DNTT: variants seen among roughly 807,000 people sequenced by gnomAD.
DNTT encodes the protein DNA nucleotidylexotransferase.
DNTT carries 47 observed loss-of-function variants against 60.9 expected under a neutral mutation model. The observed-to-expected ratio is 0.77, with a 90% CI of 0.61 to 0.98. The LOEUF is 0.98. Ranked by LOEUF, DNTT falls within the 50% of genes least tolerant of loss-of-function variation. DNTT has a pLI of 0.00. For missense variants in DNTT, 665 were observed against 627.5 expected (o/e 1.06, Z -0.64); for synonymous variants, 224 against 221.2 (o/e 1.01, Z -0.11).
chr10:96,315,449 C>A (rs1410730045), intron 1 of DNTT, among the ~76,000 whole-genome samples: 1 of 152,054 alleles, frequency 6.6e-6, no homozygotes, highest in Non-Finnish European at 1.5e-5. Flanking sequence ...GTTTTGTTTG[C>A]TAGTTGCTTA....
At chr10:96,320,891 T>A (rs371109533) in intron 4 of DNTT, 103 bp downstream of exon 4, 3 of 1,403,844 alleles carry the variant, frequency 2.1e-6, no homozygotes, top group African/African-American at 2.9e-5. Context: ...GTAGATGTGG[T>A]GTACATCACA....
chr10:96,335,924 C>T lies in DNTT; in HGVS notation c.1393C>T (p.His465Tyr), dbSNP rs145922527. ...FERDLRRYAT[H>Y]ERKMILDNHA... ...GAGAGACCTCCGGCGCTATGCCACACATGAGCGGAAGATGATTCTGGATAA... is the reference window on the plus strand; with the variant it reads ...GAGAGACCTCCGGCGCTATGCCACATATGAGCGGAAGATGATTCTGGATAA... Residue 465 changes from histidine to tyrosine, a missense_variant, in exon 10 of 11, where the codon CAT (histidine) becomes TAT (tyrosine). Physicochemically the swap from His to Tyr is moderately conservative, Grantham distance 83 (BLOSUM62 2). Coordinates refer to ENST00000371174, the MANE Select transcript of DNTT (RefSeq NM_004088.4). The T allele has an allele frequency of 4.9e-4, 784 of 1,614,212 alleles. 3 individuals carry two copies. Among genetic ancestry groups the T allele is most frequent in the Admixed American group, 3.0e-4 (18 of 60,036 alleles).
At chr10:96,308,462 AC>A (rs1349844845) in intron 1 of DNTT, among the ~76,000 whole-genome samples, 1 of 152,184 alleles carries the variant, frequency 6.6e-6, no homozygotes, top group Admixed American at 6.5e-5. Flanking sequence ...GCAATTTGCC[AC>A]CCGGGTCAAG....
At chr10:96,323,280 T>C (rs974660271) in intron 5 of DNTT, among the ~76,000 whole-genome samples, 5 of 151,922 alleles carry the variant, frequency 3.3e-5, no homozygotes, top group African/African-American at 9.7e-5. Flanking sequence ...GCCTGGGTGA[T>C]AGAGTGAGAC....
chr10:96,332,548 C>T lies in DNTT; in HGVS notation c.1311C>T (p.Cys437=). The T allele has an allele frequency of 6.2e-6, 10 of 1,614,146 alleles. No individual in the cohort carries two copies. The highest frequency in any genetic ancestry group is 8.5e-6 in the Non-Finnish European group (10 of 1,179,998). Residue 437 remains cysteine (C), a synonymous_variant, in exon 9 of 11, where the codon TGC becomes TGT. Transcript: ENST00000371174. The part of the protein sequence containing the change: ...WKAIRVDLVL[C]PYERRAFALL... ...CCATCCGTGTGGATTTAGTTCTGTG[C>T]CCCTACGAGCGTCGTGCCTTTGCCC... is the stretch of plus-strand genomic sequence containing the variant.
chr10:96,326,388 G>T (rs534324888), intron 6 of DNTT, among the ~76,000 whole-genome samples: 1 of 152,316 alleles, frequency 6.6e-6, no homozygotes, highest in Non-Finnish European at 1.5e-5. Flanking sequence ...GGCGTGGTTT[G>T]GTATTGGACA....
intron 2 of DNTT, among the ~76,000 whole-genome samples, chr10:96,319,011 C>T (rs1462841725): frequency 6.6e-6 from 1 of 152,056 alleles, no homozygotes; most frequent in Non-Finnish European, 1.5e-5. Context: ...GGGCTTGGAC[C>T]ATAACTACAG....
chr10:96,318,444 C>T lies in DNTT; in HGVS notation c.296C>T (p.Pro99Leu), dbSNP rs754933419. The part of the protein sequence containing the change: ...QAQKVQVSSQ[P>L]ELLDVSWLIE... Reference sequence around the variant, plus strand: ...CAGAAAGTACAAGTCAGCTCACAACCAGAGCTCCTCGATGTCTCCTGGCTG... The same window carrying T: ...CAGAAAGTACAAGTCAGCTCACAACTAGAGCTCCTCGATGTCTCCTGGCTG... Residue 99 changes from proline to leucine, a missense_variant, in exon 2 of 11, where the codon CCA becomes CTA. By Grantham distance (98) the Pro-to-Leu change is moderately conservative. Coordinates refer to ENST00000371174, the MANE Select transcript of DNTT (RefSeq NM_004088.4). 6.2e-7 allele frequency: 1 copy of T among 1,613,962 alleles called. No individual in the cohort carries two copies. Among genetic ancestry groups the T allele is most frequent in the Non-Finnish European group, 8.5e-7 (1 of 1,179,876 alleles).
At chr10:96,320,485 A>T (rs968526126) in intron 3 of DNTT, 133 bp from the exon 4 acceptor site, 2 of 954,064 alleles carry the variant, frequency 2.1e-6, no homozygotes, top group Admixed American at 5.0e-5. Context: ...GGTATGGGAG[A>T]CCCCATCCTG....
chr10:96,308,253 T>C (rs1425250391), intron 1 of DNTT, among the ~76,000 whole-genome samples: 1 of 152,226 alleles, frequency 6.6e-6, no homozygotes, highest in Non-Finnish European at 1.5e-5. Context: ...TATTTCATTC[T>C]GCAACATGCA....
In DNTT at chr10:96,320,754, C is replaced by G; in HGVS notation, c.644C>G (p.Pro215Arg). ...IISMKDTEGIPCLGSKVKGII... is the reference protein window; with the variant it reads ...IISMKDTEGIRCLGSKVKGII... ...AGTATGAAGGACACAGAAGGAATTC[C>G]CTGCCTGGGGTCCAAGGTGAAGGGT... The change falls in exon 4 of 11, where the codon CCC becomes CGC. Residue 215 changes from proline to arginine, a missense_variant. Pro to Arg is a moderately radical substitution (Grantham distance 103). Transcript: ENST00000371174. The G allele has an allele frequency of 1.2e-6, 2 of 1,613,734 alleles. No homozygotes were observed. The highest frequency in any genetic ancestry group is 1.1e-5 in the South Asian group (1 of 91,060).
chr10:96,328,912 G>A, intron 8 of DNTT, 82 bp downstream of exon 8: 1 of 1,318,674 alleles, frequency 7.6e-7, no homozygotes, highest in Non-Finnish European at 1.1e-6. Flanking sequence ...CCTTATAATT[G>A]TGTAATGACC....
rs7081385 is a variant in DNTT, at chr10:96,318,370, C to T, written c.222C>T (p.Ile74=). The change falls in exon 2 of 11, where the codon ATC becomes ATT. Residue 74 remains isoleucine, a synonymous_variant. Coordinates refer to ENST00000371174, the MANE Select transcript of DNTT (RefSeq NM_004088.4). The stretch of plus-strand genomic sequence containing the variant: ...TTTGCAGTGATTCTGTCACCCACAT[C>T]GTAGCAGAGAACAACTCGGGTTCGG... ...ENELSDSVTH[I]VAENNSGSDV... 1,611,107 of 1,613,252 alleles carry T rather than the reference C, an allele frequency of 1. 804,513 individuals are homozygous for T. Among genetic ancestry groups the T allele is most frequent in the East Asian group, 1 (44,868 of 44,868 alleles).
intron 2 of DNTT, among the ~76,000 whole-genome samples, chr10:96,318,984 T>C (rs1307079351): frequency 6.6e-6 from 1 of 152,194 alleles, no homozygotes; most frequent in African/African-American, 2.4e-5. Flanking sequence ...GCAATTGTGC[T>C]AAAATCTTTG....
rs200138780 is a variant in DNTT at position 96,327,550 on chromosome 10, C to G, written c.957C>G (p.Val319=). 2 of 1,614,084 alleles carry G rather than the reference C, an allele frequency of 1.2e-6. No individual in the cohort carries two copies. The highest frequency in any genetic ancestry group is 3.3e-5 in the Admixed American group (2 of 60,026). Residue 319 remains valine (V), a synonymous_variant, in exon 7 of 11, where the codon GTC becomes GTG. Coordinates refer to ENST00000371174, the MANE Select transcript of DNTT (RefSeq NM_004088.4). ...EAVSVLVKEA[V]WAFLPDAFVT... is the part of the protein sequence containing the mutation. ...TCAGTGTGCTGGTTAAAGAGGCTGT[C>G]TGGGCATTTCTTCCGGATGCTTTCG...
At chr10:96,334,297 G>A (rs1357076594) in intron 9 of DNTT, among the ~76,000 whole-genome samples, 3 of 152,102 alleles carry the variant, frequency 2.0e-5, no homozygotes, top group African/African-American at 4.8e-5. Context: ...ACTTCCCTGA[G>A]TTGCAGAGAC....
At chr10:96,325,450 G>A (rs892536609) in intron 6 of DNTT, among the ~76,000 whole-genome samples, 4 of 152,174 alleles carry the variant, frequency 2.6e-5, no homozygotes, top group African/African-American at 9.7e-5. Flanking sequence ...GGAATGATGA[G>A]TAAAGACTCT....
intron 3 of DNTT, 64 bp from the exon 4 acceptor site, chr10:96,320,554 G>A (rs1844856528): frequency 1.3e-6 from 2 of 1,580,324 alleles, no homozygotes; most frequent in Non-Finnish European, 1.7e-6. Flanking sequence ...AGAGGCGTTT[G>A]TGAGTGACCA....
At chr10:96,322,974 GAGAC>G (rs977813343) in intron 5 of DNTT, among the ~76,000 whole-genome samples, 6 of 152,184 alleles carry the variant, frequency 3.9e-5, no homozygotes, top group Non-Finnish European at 7.4e-5. Flanking sequence ...TGGTGAGAGA[GAGAC>G]AGAGAGAACA....
Sources: allele counts gnomAD v4.1 joint callset (sites outside exome capture counted in the v4.1 genomes callset), GRCh38; gene constraint gnomAD v4.1.1; transcripts MANE v1.5; gene names NCBI Gene and HGNC (gene_info 2026-07-23, HGNC 2026-07-21).